NCOA1: variants seen among roughly 807,000 people sequenced by gnomAD.
The protein encoded by NCOA1 is Hin-2 protein.
NCOA1 carries 35 observed loss-of-function variants against 150.9 expected under a neutral mutation model. The observed-to-expected ratio is 0.23, with a 90% confidence interval of 0.18 to 0.31. NCOA1 has a LOEUF of 0.31. Ranked by LOEUF, NCOA1 falls within the 10% of genes least tolerant of loss-of-function variation. The pLI, the probability that NCOA1 is intolerant of heterozygous loss-of-function variation, is 1.00. For missense variants in NCOA1, 1,491 were observed against 1,749.3 expected (o/e 0.85, Z 2.63); for synonymous variants, 590 against 630.0 (o/e 0.94, Z 0.95).
intron 4 of NCOA1, among the ~76,000 whole-genome samples, chr2:24,656,606 C>T (rs1462133500): frequency 1.3e-5 from 2 of 152,224 alleles, no homozygotes; most frequent in Non-Finnish European, 2.9e-5. Flanking sequence ...TAAACAACCT[C>T]TGGCTATCCT....
At chr2:24,561,821 A>G (rs1666302590) in intron 1 of NCOA1, among the ~76,000 whole-genome samples, 1 of 152,174 alleles carries the variant, frequency 6.6e-6, no homozygotes, top group South Asian at 2.1e-4. Context: ...ACAAATTAAA[A>G]CCTACAAAGA....
intron 21 of NCOA1, among the ~76,000 whole-genome samples, chr2:24,760,289 GCCA>G (rs1664721419): frequency 6.8e-6 from 1 of 146,000 alleles, no homozygotes; most frequent in Non-Finnish European, 1.5e-5. Context: ...ACAGGCACCC[GCCA>G]CCATGCCCGG....
At position 24,693,006 on chromosome 2, in the gene NCOA1, G is replaced by A. The variant is rs370031571; in HGVS notation, c.713-246G>A. On this transcript the variant is annotated intron_variant, in intron 9 of 22. Coordinates refer to ENST00000348332, the MANE Select transcript of NCOA1 (RefSeq NM_003743.5). ...CTCCCGAGTAGCGGGGACTGCAGGC[G>A]CCCGCCACCATGCCCGGCTAATTTT... Among the ~76,000 whole-genome samples, 321 of 152,154 alleles carry A rather than the reference G, an allele frequency of 2.1e-3. 11 individuals are homozygous for A. In the South Asian group the frequency reaches 0.063, roughly 30 times the overall value.
At chr2:24,692,326 A>G (rs1189776631) in intron 9 of NCOA1, among the ~76,000 whole-genome samples, 1 of 152,226 alleles carries the variant, frequency 6.6e-6, no homozygotes, top group African/African-American at 2.4e-5. Context: ...AACGGAGGTA[A>G]CAATCAACTG....
chr2:24,582,142 A>G (rs895813068), intron 2 of NCOA1, among the ~76,000 whole-genome samples: 8 of 152,250 alleles, frequency 5.3e-5, no homozygotes, highest in African/African-American at 1.2e-4. Flanking sequence ...GAAGGCATCT[A>G]CATTGGAAAA....
intron 3 of NCOA1, among the ~76,000 whole-genome samples, chr2:24,617,703 C>G (rs1378974743): frequency 6.6e-6 from 1 of 151,948 alleles, no homozygotes; most frequent in Admixed American, 6.5e-5. Context: ...ATTAATGAGT[C>G]CCTCATGCCA....
chr2:24,513,988 A>G (rs770928545), intron 1 of NCOA1, among the ~76,000 whole-genome samples: 18 of 152,146 alleles, frequency 1.2e-4, no homozygotes, highest in Admixed American at 3.9e-4. Context: ...CAGTTTACTT[A>G]AAAACTAGCA....
intron 3 of NCOA1, among the ~76,000 whole-genome samples, chr2:24,626,995 G>A (rs946602172): frequency 2.0e-5 from 3 of 151,922 alleles, no homozygotes; most frequent in Non-Finnish European, 4.4e-5. Flanking sequence ...TTGAATGACT[G>A]CCTGTTAGAA....
chr2:24,714,653 A>G (rs561163612), intron 14 of NCOA1, among the ~76,000 whole-genome samples: 1 of 152,268 alleles, frequency 6.6e-6, no homozygotes, highest in African/African-American at 2.4e-5. Context: ...ATTAGAGGAG[A>G]AAAAGAATAC....
intron 1 of NCOA1, among the ~76,000 whole-genome samples, chr2:24,527,884 A>G (rs1332352688): frequency 2.6e-5 from 4 of 152,146 alleles, no homozygotes; most frequent in African/African-American, 7.2e-5. Flanking sequence ...GTGATATCTC[A>G]TAGTGTTTTG....
chr2:24,755,227 C>G (rs1664441885), intron 20 of NCOA1, among the ~76,000 whole-genome samples: 1 of 152,180 alleles, frequency 6.6e-6, no homozygotes, highest in African/African-American at 2.4e-5. Flanking sequence ...TAATAGAGTT[C>G]AGAGGTAGTG....
chr2:24,534,445 C>T (rs1304552269), intron 1 of NCOA1, among the ~76,000 whole-genome samples: 86 of 149,154 alleles, frequency 5.8e-4, no homozygotes, highest in Non-Finnish European at 9.9e-4. Context: ...GTGTCTCTAT[C>T]TCCTTCAGTT....
At chr2:24,546,724 AG>A (rs1447224326) in intron 1 of NCOA1, among the ~76,000 whole-genome samples, 1 of 152,212 alleles carries the variant, frequency 6.6e-6, no homozygotes, top group Non-Finnish European at 1.5e-5. Context: ...GGGCTCAGAT[AG>A]GGGATTCTTC....
intron 22 of NCOA1, among the ~76,000 whole-genome samples, chr2:24,763,606 GTCTC>G (rs201961456): frequency 5.1e-5 from 7 of 137,906 alleles, no homozygotes; most frequent in South Asian, 4.7e-4. Context: ...TTGAACTTTG[GTCTC>G]TCTCTCTTTT....
intron 7 of NCOA1, among the ~76,000 whole-genome samples, chr2:24,674,287 G>A (rs1057084045): frequency 6.6e-6 from 1 of 150,794 alleles, no homozygotes; most frequent in Non-Finnish European, 1.5e-5. Context: ...TTCACTGCAA[G>A]CTCCGCCTCC....
At chr2:24,513,171 T>G (rs1035249699) in intron 1 of NCOA1, among the ~76,000 whole-genome samples, 2 of 152,344 alleles carry the variant, frequency 1.3e-5, no homozygotes, top group Non-Finnish European at 2.9e-5. Context: ...CCGTGCACCT[T>G]CTGCCCAACT....
chr2:24,570,626 T>C (rs1666705696), intron 2 of NCOA1, among the ~76,000 whole-genome samples: 1 of 152,354 alleles, frequency 6.6e-6, no homozygotes, highest in African/African-American at 2.4e-5. Context: ...GGCTGCTAAC[T>C]GCACGGGCAG....
chr2:24,749,745 G>T (rs2148675660), intron 19 of NCOA1, among the ~76,000 whole-genome samples: 1 of 152,022 alleles, frequency 6.6e-6, no homozygotes, highest in South Asian at 2.1e-4. Context: ...CACCTAATAA[G>T]GTAAAATTCA....
In NCOA1 at chr2:24,729,574, G is replaced by A; in HGVS notation, c.2960G>A (p.Arg987Lys). 1 of 1,614,190 alleles carries A rather than the reference G, an allele frequency of 6.2e-7. No homozygotes were observed. Among genetic ancestry groups the A allele is most frequent in the Non-Finnish European group, 8.5e-7 (1 of 1,180,026 alleles). ...QATPPLIMEE[R>K]PNLYSQPYSS... Reference sequence around the variant, plus strand: ...ACGCCACCTTTGATCATGGAAGAAAGACCCAACCTTTATTCCCAGCCTTAC... The same window carrying A: ...ACGCCACCTTTGATCATGGAAGAAAAACCCAACCTTTATTCCCAGCCTTAC... The change falls in exon 17 of 23, where the codon AGA (arginine) becomes AAA (lysine). Residue 987 changes from arginine (R) to lysine (K), a missense_variant. This residue lies in a region of NCOA1 where 485 missense variants were observed against 522.8 expected (regional missense o/e 0.93). Transcript: ENST00000348332.
Sources: gnomAD v4.1 joint callset for allele counts (sites outside exome capture counted in the v4.1 genomes callset) on GRCh38, gnomAD v4.1.1 for gene constraint, gnomAD v4.1.1 regional missense constraint, MANE v1.5 for transcripts, NCBI Gene and HGNC (gene_info 2026-07-23, HGNC 2026-07-21) for gene names.